Variants in FRMD4A observed in about 807,000 individuals in gnomAD.
FRMD4A encodes the protein FERM domain-containing protein 4A.
A neutral mutation model predicts 129.1 loss-of-function variants in FRMD4A; 29 were observed. The ratio of observed to expected loss-of-function variants is 0.22; its 90% CI spans 0.17 to 0.31. The LOEUF (loss-of-function observed/expected upper bound fraction) is 0.31, where lower values mean the gene tolerates loss of function less well. FRMD4A is among the 10% of genes least tolerant of loss of function. The pLI, the probability that FRMD4A is intolerant of heterozygous loss-of-function variation, is 1.00. For missense variants in FRMD4A, 1,272 were observed against 1,375.8 expected (o/e 0.92, Z 1.19); for synonymous variants, 634 against 571.6 (o/e 1.11, Z -1.56).
At chr10:13,958,281 GTTTT>G (rs35369777) in intron 2 of FRMD4A, among the ~76,000 whole-genome samples, 25 of 104,636 alleles carry the variant, frequency 2.4e-4, no homozygotes, top group Admixed American at 3.8e-4. Context: ...CATGACCATT[GTTTT>G]TTTTTTTTTT....
intron 2 of FRMD4A, among the ~76,000 whole-genome samples, chr10:14,327,140 T>G (rs1049394375): frequency 6.6e-6 from 1 of 152,228 alleles, no homozygotes; most frequent in African/African-American, 2.4e-5. Context: ...GAGACACTGT[T>G]CAAAAGTCAT....
intron 2 of FRMD4A, among the ~76,000 whole-genome samples, chr10:13,886,591 T>A (rs926942174): frequency 4.6e-5 from 7 of 152,140 alleles, no homozygotes; most frequent in Non-Finnish European, 8.8e-5. Context: ...TTTATTTTTA[T>A]TTTTTTAGAG....
At chr10:13,992,978 A>AAAG (rs2095608901) in intron 2 of FRMD4A, among the ~76,000 whole-genome samples, 2 of 147,742 alleles carry the variant, frequency 1.4e-5, no homozygotes, top group Non-Finnish European at 3.0e-5. Flanking sequence ...AAAAAAAAAA[A>AAAG]GGATTTAGTG....
intron 2 of FRMD4A, among the ~76,000 whole-genome samples, chr10:14,168,120 G>A (rs1841287735): frequency 6.6e-6 from 1 of 152,170 alleles, no homozygotes. Context: ...CAGAATGGGT[G>A]GGTGAGGGCT....
intron 2 of FRMD4A, among the ~76,000 whole-genome samples, chr10:13,990,252 T>C (rs1462189863): frequency 6.6e-6 from 1 of 152,210 alleles, no homozygotes; most frequent in Non-Finnish European, 1.5e-5. Flanking sequence ...CTTTCTATTC[T>C]TGGCTGTGCT....
At chr10:14,085,878 T>A (rs2131742023) in intron 2 of FRMD4A, among the ~76,000 whole-genome samples, 1 of 152,328 alleles carries the variant, frequency 6.6e-6, no homozygotes, top group East Asian at 1.9e-4. Flanking sequence ...GCACCTTTTT[T>A]CTGGACTGCG....
intron 2 of FRMD4A, among the ~76,000 whole-genome samples, chr10:14,056,547 TC>T (rs1194874198): frequency 6.6e-6 from 1 of 151,960 alleles, no homozygotes; most frequent in Non-Finnish European, 1.5e-5. Flanking sequence ...CATCCTCACT[TC>T]CCCCCTCCAC....
At chr10:13,988,944 T>C (rs1194947579) in intron 2 of FRMD4A, among the ~76,000 whole-genome samples, 4 of 152,236 alleles carry the variant, frequency 2.6e-5, no homozygotes, top group Non-Finnish European at 5.9e-5. Flanking sequence ...GAATGCAGAC[T>C]GCATCTGCAT....
intron 2 of FRMD4A, among the ~76,000 whole-genome samples, chr10:14,193,914 TC>T (rs1296547460): frequency 6.6e-6 from 1 of 152,122 alleles, no homozygotes; most frequent in Non-Finnish European, 1.5e-5. Context: ...GTCCCCTGCT[TC>T]TCTGAATTTT....
chr10:13,654,719 A>AT (rs2081990928), intron 22 of FRMD4A: 1 of 572,142 alleles, frequency 1.7e-6, no homozygotes, highest in African/African-American at 1.9e-5. Context: ...CAACCTCTGC[A>AT]TCCCACCCAT....
intron 2 of FRMD4A, among the ~76,000 whole-genome samples, chr10:13,908,954 A>T (rs1465575106): frequency 4.6e-5 from 7 of 152,068 alleles, no homozygotes; most frequent in African/African-American, 1.7e-4. Context: ...TAAATCTGCA[A>T]CTCTAATTGT....
chr10:14,069,089 T>A (rs1588904556), intron 2 of FRMD4A, among the ~76,000 whole-genome samples: 1 of 152,168 alleles, frequency 6.6e-6, no homozygotes, highest in Non-Finnish European at 1.5e-5. Flanking sequence ...GAGGGTAGAT[T>A]TGGTGATTCA....
At chr10:13,856,862 A>G (rs2094220650) in intron 3 of FRMD4A, among the ~76,000 whole-genome samples, 1 of 152,184 alleles carries the variant, frequency 6.6e-6, no homozygotes, top group African/African-American at 2.4e-5. Context: ...CTCATTTCCT[A>G]TTCCAGAAGG....
chr10:14,017,605 T>C (rs1448634091), intron 2 of FRMD4A, among the ~76,000 whole-genome samples: 2 of 152,208 alleles, frequency 1.3e-5, no homozygotes, highest in Non-Finnish European at 2.9e-5. Flanking sequence ...AGGAGAAATT[T>C]AACAAGCAAT....
At chr10:14,251,131 C>G (rs570108099) in intron 2 of FRMD4A, among the ~76,000 whole-genome samples, 1 of 152,312 alleles carries the variant, frequency 6.6e-6, no homozygotes, top group Non-Finnish European at 1.5e-5. Context: ...TAGTTACTCC[C>G]AGTTTAACCC....
rs557437811 is a variant in FRMD4A at position 13,801,735 on chromosome 10, A to G, written c.207-5147T>C. 1.2e-4 allele frequency among the ~76,000 whole-genome samples: 18 copies of G among 152,236 alleles called. No individual in the cohort carries two copies. The South Asian group carries it at 3.7e-3, about 32-fold the overall frequency. On this transcript the variant is annotated intron_variant, in intron 4 of 24. Coordinates refer to ENST00000357447, the MANE Select transcript of FRMD4A (RefSeq NM_018027.5). ...ACAATGTTGTTTTCTGCTCATCTCT[A>G]AGTCACACTTCCTGTACTCTACAGG...
intron 2 of FRMD4A, among the ~76,000 whole-genome samples, chr10:14,042,648 G>A (rs1233830588): frequency 6.6e-5 from 10 of 152,094 alleles, no homozygotes; most frequent in Admixed American, 5.9e-4. Context: ...CCTGAGCACA[G>A]GTTATACTTA....
chr10:14,232,741 T>C (rs12761356), intron 2 of FRMD4A, among the ~76,000 whole-genome samples: 60,037 of 152,104 alleles, frequency 0.39, 12,659 homozygotes, highest in Non-Finnish European at 0.46. Context: ...TATTGGTGTA[T>C]AGAAATGCTA....
intron 7 of FRMD4A, among the ~76,000 whole-genome samples, chr10:13,762,251 T>A (rs1042922853): frequency 6.6e-6 from 1 of 152,212 alleles, no homozygotes; most frequent in Non-Finnish European, 1.5e-5. Flanking sequence ...GGCTTTACCT[T>A]GTCTTTCTAG....
Sources: gnomAD v4.1 joint callset for allele counts (sites outside exome capture counted in the v4.1 genomes callset) on GRCh38, gnomAD v4.1.1 for gene constraint, MANE v1.5 for transcripts, NCBI Gene and HGNC (gene_info 2026-07-23, HGNC 2026-07-21) for gene names.